BIN1: variants seen among roughly 807,000 people sequenced by gnomAD.
The protein encoded by BIN1 is bridging integrator 1.
Under a neutral mutation model 82.0 loss-of-function variants are expected in BIN1, and 53 were observed. That is an observed-to-expected ratio of 0.65 (90% CI 0.52 to 0.81). The LOEUF (loss-of-function observed/expected upper bound fraction) is 0.81. BIN1 is among the 40% of genes least tolerant of loss of function. The probability of loss-of-function intolerance (pLI) is 0.00; values close to 1 mark genes in which losing one functional copy is unlikely to be tolerated. For synonymous variants in BIN1, 302 were observed against 328.0 expected, an observed-to-expected ratio of 0.92 and a Z score of 0.86; for missense variants, 642 against 784.4, an observed-to-expected ratio of 0.82 and a Z score of 2.17.
intron 1 of BIN1, among the ~76,000 whole-genome samples, chr2:127,097,573 G>A (rs1251046421): frequency 6.6e-6 from 1 of 151,992 alleles, no homozygotes; most frequent in Admixed American, 6.5e-5. Context: ...AACAGGGGTG[G>A]ACTCCAGGCC....
intron 7 of BIN1, chr2:127,064,805 C>G (rs1684936203): frequency 6.5e-6 from 1 of 153,720 alleles, no homozygotes; most frequent in African/African-American, 2.4e-5. Flanking sequence ...CATCACACGG[C>G]CACAGAGTGC....
chr2:127,081,923 G>T (rs563610975), intron 1 of BIN1: 1 of 1,262,306 alleles, frequency 7.9e-7, no homozygotes, highest in African/African-American at 1.5e-5. Flanking sequence ...CAGAGCCTGC[G>T]GTCGGGGGCC....
rs752265053 is a variant in BIN1 at position 127,071,718 on chromosome 2, G to A, written c.166-902C>T. Among the ~76,000 whole-genome samples the A allele has an allele frequency of 8.4e-4, 128 of 152,210 alleles. 2 individuals are homozygous for A. Among genetic ancestry groups the A allele is most frequent in the Non-Finnish European group, 1.4e-3 (97 of 68,024 alleles). ...TTTCCAGAAGCCACGTGCAAAGAGT[G>A]GGCTGCACACGGGCTTTGAGGCCAT... On this transcript the variant is annotated intron_variant, in intron 2 of 18. Coordinates refer to ENST00000316724, the MANE Select transcript of BIN1 (RefSeq NM_139343.3).
chr2:127,076,492 T>C, intron 2 of BIN1, 134 bp downstream of exon 2: 1 of 1,028,412 alleles, frequency 9.7e-7, no homozygotes, highest in East Asian at 2.4e-5. Flanking sequence ...CTAGGAAGTC[T>C]TACATGATCT....
chr2:127,088,791 G>A (rs1332269984), intron 1 of BIN1, among the ~76,000 whole-genome samples: 1 of 151,952 alleles, frequency 6.6e-6, no homozygotes, highest in Non-Finnish European at 1.5e-5. Context: ...AGGGGAGAGG[G>A]CGGCTGCTCT....
In BIN1 at chr2:127,057,668, C is replaced by A; in HGVS notation, c.1003-67G>T. 1 of 1,440,686 alleles carries A rather than the reference C, an allele frequency of 6.9e-7. No individual in the cohort carries two copies. The highest frequency in any genetic ancestry group is 9.2e-7 in the Non-Finnish European group (1 of 1,092,244). 89.2% of individuals were successfully genotyped at this position (1,440,686 alleles called of 1,614,324 possible). A position where few individuals can be genotyped will look rare whatever the true frequency, so the allele number is the denominator to read the frequency against. On this transcript the variant is annotated intron_variant, in intron 11 of 18. Transcript: ENST00000316724. The surrounding 1 kb of genome is among the most constrained non-coding windows in gnomAD (Gnocchi z 5.0). ...AGCAGAGCACGGGGTTTGGGGGAGA[C>A]AGACAGAGACAAAGCCACGGTTAGT...
chr2:127,052,795 AC>A (rs1683134207), intron 14 of BIN1: 1 of 249,090 alleles, frequency 4.0e-6, no homozygotes, highest in Non-Finnish European at 7.9e-6. Flanking sequence ...AGCCCAGGAG[AC>A]CCTGTTGGAA....
At position 127,068,351 on chromosome 2, in the gene BIN1, C is replaced by G; in HGVS notation, c.520-96G>C. Reference sequence around the variant, plus strand: ...ACAGATTAAATGCAGGTCCACACGCCCCACGCGCGGGGGCCACCCCAAGCA... The same window carrying G: ...ACAGATTAAATGCAGGTCCACACGCGCCACGCGCGGGGGCCACCCCAAGCA... On this transcript the variant is annotated intron_variant, in intron 6 of 18. Coordinates refer to ENST00000316724, the MANE Select transcript of BIN1 (RefSeq NM_139343.3). This position sits in a 1 kb window ranked among gnomAD's most constrained non-coding sequence, Gnocchi z 4.9. 9.8e-7 allele frequency: 1 copy of G among 1,018,874 alleles called. No homozygotes were observed. The highest frequency in any genetic ancestry group is 1.5e-6 in the Non-Finnish European group (1 of 682,006). The allele number at this position is 1,018,874 out of a possible 1,614,324, so 63.1% of individuals were successfully genotyped here. A position where few individuals can be genotyped will look rare whatever the true frequency, so the allele number is the denominator to read the frequency against.
intron 1 of BIN1, among the ~76,000 whole-genome samples, chr2:127,097,383 T>TCAGC (rs1679743981): frequency 6.6e-6 from 1 of 151,466 alleles, no homozygotes; most frequent in Non-Finnish European, 1.5e-5. Flanking sequence ...CCCAGCAGCG[T>TCAGC]CAGCCCTCCA....
At chr2:127,058,732 C>G (rs1684032379) in intron 11 of BIN1, among the ~76,000 whole-genome samples, 1 of 150,192 alleles carries the variant, frequency 6.7e-6, no homozygotes, top group African/African-American at 2.4e-5. Flanking sequence ...GAGAAAGAGT[C>G]AAGCAGACAA....
intron 9 of BIN1, 56 bp downstream of exon 9, chr2:127,063,515 C>T (rs746311727): frequency 1.8e-5 from 29 of 1,570,126 alleles, no homozygotes; most frequent in Middle Eastern, 3.3e-4. Context: ...ACGACTCTGA[C>T]TCTGACCCTC....
intron 1 of BIN1, among the ~76,000 whole-genome samples, chr2:127,105,842 T>TG (rs1272547716): frequency 2.6e-5 from 4 of 152,324 alleles, no homozygotes; most frequent in East Asian, 1.9e-4. Context: ...CGCGGGGCAC[T>TG]GGGGGGCCAC....
At chr2:127,051,351 G>A (rs567801888) in intron 15 of BIN1, 108 bp from the exon 16 acceptor site, 11 of 1,128,560 alleles carry the variant, frequency 9.7e-6, no homozygotes, top group Admixed American at 1.9e-5. Flanking sequence ...CGGGGGCATC[G>A]CCTGGCTGGC....
intron 10 of BIN1, 115 bp downstream of exon 10, chr2:127,062,000 G>T: frequency 8.1e-7 from 1 of 1,235,470 alleles, no homozygotes; most frequent in Non-Finnish European, 1.1e-6. Flanking sequence ...AAGGTCCCTA[G>T]ACCCCCAAGG....
chr2:127,053,399 C>G (rs1683218683), intron 14 of BIN1, 23 bp downstream of exon 14: 1 of 1,613,698 alleles, frequency 6.2e-7, no homozygotes, highest in Non-Finnish European at 8.5e-7. Context: ...AGGGGCTGGA[C>G]AAAGAGCAGA....
chr2:127,101,002 G>GGGC (rs777393667), intron 1 of BIN1, among the ~76,000 whole-genome samples: 10 of 139,654 alleles, frequency 7.2e-5, no homozygotes, highest in Admixed American at 1.4e-4. Context: ...GAATGTGCGG[G>GGGC]GGGTGGGGAT....
intron 1 of BIN1, among the ~76,000 whole-genome samples, chr2:127,086,488 C>G (rs1363735678): frequency 1.3e-5 from 2 of 152,006 alleles, no homozygotes; most frequent in Non-Finnish European, 2.9e-5. Flanking sequence ...GCCTCGCCCC[C>G]ACATGGTAAT....
chr2:127,089,431 G>A (rs963649344), intron 1 of BIN1, among the ~76,000 whole-genome samples: 1 of 152,206 alleles, frequency 6.6e-6, no homozygotes, highest in Non-Finnish European at 1.5e-5. Flanking sequence ...ACCCAGGTGG[G>A]AGGCAAGGGG....
At chr2:127,088,099 G>A (rs1288853462) in intron 1 of BIN1, among the ~76,000 whole-genome samples, 2 of 152,218 alleles carry the variant, frequency 1.3e-5, no homozygotes, top group Admixed American at 6.5e-5. Context: ...GCTCTGGGAC[G>A]TGGCCTCTCG....
Sources: gnomAD v4.1 joint callset for allele counts (sites outside exome capture counted in the v4.1 genomes callset) on GRCh38, gnomAD v4.1.1 for gene constraint, Gnocchi (gnomAD v3.1) non-coding constraint, MANE v1.5 for transcripts, NCBI Gene and HGNC (gene_info 2026-07-23, HGNC 2026-07-21) for gene names.